The following R3HDM1 variants were observed in gnomAD, a reference collection of about 807,000 sequenced individuals.
R3HDM1 encodes R3H domain-containing protein 1.
A neutral mutation model predicts 141.1 loss-of-function variants in R3HDM1; 46 were observed. That is an observed-to-expected ratio of 0.33 (90% confidence interval 0.26 to 0.42). The LOEUF (loss-of-function observed/expected upper bound fraction) is 0.42, where lower values mean the gene tolerates loss of function less well. Among genes scored for constraint, R3HDM1 ranks in the 10% least tolerant of loss-of-function variants. The probability of loss-of-function intolerance (pLI) is 1.00; values close to 1 mark genes in which losing one functional copy is unlikely to be tolerated. For synonymous variants in R3HDM1, 435 were observed against 472.9 expected (o/e 0.92, Z 1.04); for missense variants, 1,184 against 1,368.3 (o/e 0.87, Z 2.12).
chr2:135,630,769 T>A (rs1262858432), intron 7 of R3HDM1, among the ~76,000 whole-genome samples: 1 of 152,176 alleles, frequency 6.6e-6, no homozygotes, highest in African/African-American at 2.4e-5. Context: ...ACTGAATGAT[T>A]TGTAAAGCTG....
At chr2:135,627,550 A>G (rs2062170750) in intron 7 of R3HDM1, among the ~76,000 whole-genome samples, 1 of 152,088 alleles carries the variant, frequency 6.6e-6, no homozygotes, top group African/African-American at 2.4e-5. Flanking sequence ...CACTGACATA[A>G]TTTTATATGT....
intron 1 of R3HDM1, among the ~76,000 whole-genome samples, chr2:135,570,540 G>T (rs765081036): frequency 5.3e-5 from 8 of 152,194 alleles, no homozygotes; most frequent in Non-Finnish European, 1.0e-4. Flanking sequence ...CAAAGGGAAA[G>T]AAGAACTTTT....
intron 19 of R3HDM1, among the ~76,000 whole-genome samples, chr2:135,668,070 T>A (rs2067798627): frequency 6.6e-6 from 1 of 152,234 alleles, no homozygotes; most frequent in Non-Finnish European, 1.5e-5. Flanking sequence ...AACAATTATT[T>A]TATTAATGAT....
At chr2:135,589,751 C>T (rs999447888) in intron 1 of R3HDM1, among the ~76,000 whole-genome samples, 11 of 151,814 alleles carry the variant, frequency 7.2e-5, no homozygotes, top group Middle Eastern at 3.4e-3. Context: ...CCTACTTAAC[C>T]CTTATTTTAT....
chr2:135,560,886 T>C (rs1227986244), intron 1 of R3HDM1, among the ~76,000 whole-genome samples: 2 of 152,086 alleles, frequency 1.3e-5, no homozygotes, highest in Non-Finnish European at 2.9e-5. Flanking sequence ...AACCCCAAAC[T>C]TAAAGCATCC....
chr2:135,645,560 T>TGG (rs781455478), intron 16 of R3HDM1, 33 bp downstream of exon 16: 16 of 1,603,470 alleles, frequency 1.0e-5, no homozygotes, highest in Middle Eastern at 1.7e-4. Flanking sequence ...AATGCTAAGT[T>TGG]GACTTGCCTT....
intron 1 of R3HDM1, among the ~76,000 whole-genome samples, chr2:135,553,730 C>T (rs772875797): frequency 2.0e-5 from 3 of 152,180 alleles, no homozygotes; most frequent in Non-Finnish European, 4.4e-5. Flanking sequence ...CTCACTCTGT[C>T]GCCCAGGCTG....
At chr2:135,539,463 C>A (rs1696978849) in intron 1 of R3HDM1, among the ~76,000 whole-genome samples, 1 of 152,124 alleles carries the variant, frequency 6.6e-6, no homozygotes, top group African/African-American at 2.4e-5. Flanking sequence ...ATCATTTATG[C>A]AGTCCATTGT....
chr2:135,581,799 T>C (rs924498702), intron 1 of R3HDM1, among the ~76,000 whole-genome samples: 1 of 152,242 alleles, frequency 6.6e-6, no homozygotes, highest in Non-Finnish European at 1.5e-5. Flanking sequence ...GTTAACTCTC[T>C]GACCTTAACT....
Position 135,555,786 on chromosome 2 carries a change from G to C in R3HDM1, c.-250+24153G>C, listed in dbSNP as rs1324429452. On this transcript the variant is annotated intron_variant, in intron 1 of 26. Coordinates refer to ENST00000683871, the MANE Select transcript of R3HDM1 (RefSeq NM_001378107.1). ...CATATCTGTAATCCTAGCACTTTGA[G>C]ATGCCAAGGCGGGAGGATCCCTTGT... Among the ~76,000 whole-genome samples, 5 of 152,192 alleles carry C rather than the reference G, an allele frequency of 3.3e-5. No individual in the cohort carries two copies. The East Asian group carries it at 9.6e-4, about 29-fold the overall frequency.
At chr2:135,712,905 A>G (rs2075812779) in intron 23 of R3HDM1, among the ~76,000 whole-genome samples, 1 of 152,000 alleles carries the variant, frequency 6.6e-6, no homozygotes, top group African/African-American at 2.4e-5. Flanking sequence ...TGGGCAACAG[A>G]GCAAGACTCC....
chr2:135,620,612 GT>G lies in R3HDM1; in HGVS notation c.304-878del, dbSNP rs1480136815. 3.1e-6 allele frequency: 3 copies of G among 981,036 alleles called. No homozygotes were observed. The East Asian group carries it at 3.4e-4, about 111-fold the overall frequency. The allele number at this position is 981,036 out of a possible 1,614,324, so 60.8% of individuals were successfully genotyped here. A position where few individuals can be genotyped will look rare whatever the true frequency, so the allele number is the denominator to read the frequency against. ...AAAAAGTCTACGTGTCTGATTGATG[GT>G]TTTCTTGACTATAGAACAACAGTAT... On this transcript the variant is annotated intron_variant, in intron 5 of 26. Coordinates refer to ENST00000683871, the MANE Select transcript of R3HDM1 (RefSeq NM_001378107.1).
intron 7 of R3HDM1, 189 bp downstream of exon 7, chr2:135,622,921 A>G: frequency 1.0e-6 from 1 of 984,258 alleles, no homozygotes; most frequent in Non-Finnish European, 1.2e-6. Context: ...ATCTTTTTGC[A>G]TTATGCATGT....
intron 20 of R3HDM1, among the ~76,000 whole-genome samples, chr2:135,679,080 T>C (rs1485595314): frequency 2.7e-5 from 4 of 147,578 alleles, no homozygotes; most frequent in African/African-American, 9.9e-5. Context: ...TTTTTTTTTT[T>C]TTTTTTTTTT....
chr2:135,654,902 G>GTGTA (rs57409498), intron 18 of R3HDM1, among the ~76,000 whole-genome samples: 2,729 of 146,220 alleles, frequency 0.019, 106 homozygotes, highest in African/African-American at 0.064. Context: ...GTGTGTGTGT[G>GTGTA]TTTGTCTTTT....
chr2:135,589,135 C>T (rs146232138), intron 1 of R3HDM1, among the ~76,000 whole-genome samples: 220 of 152,134 alleles, frequency 1.4e-3, no homozygotes, highest in Middle Eastern at 6.8e-3. Context: ...ATTAAAATAC[C>T]ATTTGATTCA....
At position 135,680,198 on chromosome 2, in the gene R3HDM1, G is replaced by A. The variant is rs758435387; in HGVS notation, c.2333G>A (p.Gly778Glu). Residue 778 changes from glycine (G) to glutamate (E), a missense_variant, in exon 21 of 27, where the codon GGA becomes GAA. Around this residue, in one of 5 missense-constraint regions of R3HDM1, gnomAD observed 563 missense variants for 562.0 expected, o/e 1.00. Transcript: ENST00000683871. ...YQVSLPQGSQ[G>E]IPHQTYQQPV... ...GTTTCACTGCCTCAAGGTTCTCAAG[G>A]AATTCCCCATCAGACTTATCAACAG... 32 of 1,613,766 alleles carry A rather than the reference G, an allele frequency of 2.0e-5. No homozygotes were observed. Among genetic ancestry groups the A allele is most frequent in the Non-Finnish European group, 2.6e-5 (31 of 1,179,842 alleles).
chr2:135,641,323 A>G (rs1272672012), intron 14 of R3HDM1, among the ~76,000 whole-genome samples: 2 of 152,176 alleles, frequency 1.3e-5, no homozygotes, highest in Admixed American at 6.5e-5. Context: ...ATGCTTTGGC[A>G]GTGATTTCTC....
chr2:135,622,620 CTT>C, intron 6 of R3HDM1, 32 bp from the exon 7 acceptor site: 1 of 1,563,088 alleles, frequency 6.4e-7, no homozygotes, highest in Non-Finnish European at 8.7e-7. Context: ...TTTCAAACAA[CTT>C]TATACTGGGT....
Sources: gnomAD v4.1 joint callset for allele counts (sites outside exome capture counted in the v4.1 genomes callset) on GRCh38, gnomAD v4.1.1 for gene constraint, gnomAD v4.1.1 regional missense constraint, MANE v1.5 for transcripts, NCBI Gene and HGNC (gene_info 2026-07-23, HGNC 2026-07-21) for gene names.